PCDHGA7: variants seen among roughly 807,000 people sequenced by gnomAD.
The protein encoded by PCDHGA7 is protocadherin gamma-A7.
A neutral mutation model predicts 58.3 loss-of-function variants in PCDHGA7; 44 were observed. The observed-to-expected ratio is 0.75, with a 90% confidence interval of 0.59 to 0.97. PCDHGA7 has a LOEUF of 0.97. Ranked by LOEUF, PCDHGA7 falls within the 50% of genes least tolerant of loss-of-function variation. The probability of loss-of-function intolerance (pLI) is 0.00; values close to 1 mark genes in which losing one functional copy is unlikely to be tolerated. For synonymous variants in PCDHGA7, 516 were observed against 504.2 expected, an observed-to-expected ratio of 1.02 and a Z score of -0.31; for missense variants, 1,266 against 1,188.7, an observed-to-expected ratio of 1.06 and a Z score of -0.96.
intron 1 of PCDHGA7, chr5:141,404,669 A>G: frequency 1.9e-6 from 3 of 1,614,100 alleles, no homozygotes; most frequent in Non-Finnish European, 2.5e-6. Context: ...TGATGGTTCT[A>G]CTGGTGTGGA....
intron 1 of PCDHGA7, chr5:141,392,926 A>G (rs1180746876): frequency 9.3e-6 from 15 of 1,613,946 alleles, no homozygotes; most frequent in Non-Finnish European, 1.3e-5. Context: ...GTGCCAGAAG[A>G]GACGGACAAA....
At position 141,431,435 on chromosome 5, in the gene PCDHGA7, G is replaced by A. The variant is rs376827063; in HGVS notation, c.2424+46112G>A. ...GGGCGACCCGGTGCGCACAGGCACC[G>A]CGCGCATCCGCGTGATGGTTCTGGA... On this transcript the variant is annotated intron_variant, in intron 1 of 3. Coordinates refer to ENST00000518325, the MANE Select transcript of PCDHGA7 (RefSeq NM_018920.4). The surrounding 1 kb of genome is among the most constrained non-coding windows in gnomAD (Gnocchi z 4.8). 2.5e-6 allele frequency: 4 copies of A among 1,613,550 alleles called. No homozygotes were observed. Among genetic ancestry groups the A allele is most frequent in the Non-Finnish European group, 3.4e-6 (4 of 1,180,034 alleles).
intron 1 of PCDHGA7, chr5:141,392,627 G>T: frequency 1.7e-6 from 1 of 584,572 alleles, no homozygotes; most frequent in Non-Finnish European, 2.9e-6. Flanking sequence ...AAAACACTCA[G>T]ATCTCACACC....
chr5:141,494,897 C>T (rs1194879883), intron 2 of PCDHGA7, 32 bp downstream of exon 2: 2 of 1,614,122 alleles, frequency 1.2e-6, no homozygotes, highest in South Asian at 2.2e-5. Flanking sequence ...CCACCCTCTT[C>T]TCTGCGGCAT....
In PCDHGA7 at chr5:141,432,654, T is replaced by C. The variant is rs2097525297; in HGVS notation, c.2424+47331T>C. ...GGCGAGGTGCGCACGGCGCGAGCCC[T>C]GCTGGACAGAGACGCGCTCAAGCAG... is the stretch of plus-strand genomic sequence containing the variant. On this transcript the variant is annotated intron_variant, in intron 1 of 3. Transcript: ENST00000518325. This position sits in a 1 kb window ranked among gnomAD's most constrained non-coding sequence, Gnocchi z 6.0. The C allele has an allele frequency of 1.2e-6, 2 of 1,613,816 alleles. No homozygotes were observed. Among genetic ancestry groups the C allele is most frequent in the African/African-American group, 1.3e-5 (1 of 75,034 alleles).
intron 2 of PCDHGA7, among the ~76,000 whole-genome samples, chr5:141,503,398 C>A (rs1374324008): frequency 6.6e-6 from 1 of 151,784 alleles, no homozygotes; most frequent in African/African-American, 2.4e-5. Flanking sequence ...AGTTCGAAAC[C>A]AACCTGGCCA....
In PCDHGA7 at chr5:141,409,398, A is replaced by G. The variant is rs186373896; in HGVS notation, c.2424+24075A>G. On this transcript the variant is annotated intron_variant, in intron 1 of 3. Transcript: ENST00000518325. Reference sequence around the variant, plus strand: ...CCATTCAAGATTTATTCTTCTTCCAATAACTACTACAAACTGGTGACAGAT... The same window carrying G: ...CCATTCAAGATTTATTCTTCTTCCAGTAACTACTACAAACTGGTGACAGAT... 9.6e-5 allele frequency: 155 copies of G among 1,614,050 alleles called. No individual in the cohort carries two copies. In the African/African-American group the frequency reaches 1.5e-3, roughly 16 times the overall value.
chr5:141,392,713 G>C, intron 1 of PCDHGA7: 1 of 1,363,444 alleles, frequency 7.3e-7, no homozygotes, highest in Non-Finnish European at 9.6e-7. Flanking sequence ...AGGCACTCCA[G>C]GTTTCCGGAG....
intron 1 of PCDHGA7, among the ~76,000 whole-genome samples, chr5:141,445,263 C>T (rs1170484721): frequency 1.3e-5 from 2 of 152,152 alleles, no homozygotes; most frequent in African/African-American, 2.4e-5. Context: ...GAATATAAGT[C>T]GAAACCACTC....
intron 1 of PCDHGA7, chr5:141,412,671 A>T (rs1335241581): frequency 6.6e-6 from 1 of 152,290 alleles, no homozygotes; most frequent in Non-Finnish European, 1.5e-5. Flanking sequence ...AATATGACCT[A>T]AAATAAGTAT....
intron 1 of PCDHGA7, among the ~76,000 whole-genome samples, chr5:141,449,003 T>A (rs2098622649): frequency 1.3e-5 from 2 of 152,280 alleles, no homozygotes; most frequent in African/African-American, 4.8e-5. Context: ...AAAGCTGTTT[T>A]TTTTAACAGT....
intron 1 of PCDHGA7, among the ~76,000 whole-genome samples, chr5:141,472,648 C>G (rs762736307): frequency 1.3e-5 from 2 of 151,864 alleles, no homozygotes; most frequent in African/African-American, 4.8e-5. Flanking sequence ...TGTGTTGAAT[C>G]AGTATATAAA....
At chr5:141,478,412 TC>T in intron 1 of PCDHGA7, 2 of 1,611,958 alleles carry the variant, frequency 1.2e-6, no homozygotes, top group Non-Finnish European at 1.7e-6. Flanking sequence ...CACCACGGAC[TC>T]CCGCCGCAGC....
At position 141,383,412 on chromosome 5, in the gene PCDHGA7, G is replaced by C. The variant is rs1417112594; in HGVS notation, c.513G>C (p.Gln171His). 1.9e-6 allele frequency: 3 copies of C among 1,613,874 alleles called. No homozygotes were observed. The highest frequency in any genetic ancestry group is 2.2e-5 in the East Asian group (1 of 44,896). ...GCACGAACTCCCTCCAGAGTTACCA[G>C]CTCAGCCCCAATCGCCACTTCTCCC... Reference protein sequence around the residue: ...DVGTNSLQSYQLSPNRHFSLA... With the variant: ...DVGTNSLQSYHLSPNRHFSLA... The change falls in exon 1 of 4, where the codon CAG becomes CAC. Residue 171 changes from glutamine to histidine, a missense_variant. Physicochemically the swap from Gln to His is conservative, Grantham distance 24 (BLOSUM62 0). Transcript: ENST00000518325.
At chr5:141,461,892 C>T (rs976827774) in intron 1 of PCDHGA7, among the ~76,000 whole-genome samples, 2 of 152,030 alleles carry the variant, frequency 1.3e-5, no homozygotes, top group Non-Finnish European at 2.9e-5. Context: ...GGCACGATCT[C>T]GGCTCACTGC....
intron 1 of PCDHGA7, chr5:141,433,359 CT>C: frequency 8.7e-6 from 2 of 228,708 alleles, no homozygotes; most frequent in Non-Finnish European, 1.6e-5. Context: ...TACTGTCTGC[CT>C]ATCTATCTAT....
intron 1 of PCDHGA7, chr5:141,405,052 C>G (rs182635391): frequency 4.3e-6 from 7 of 1,613,836 alleles, no homozygotes; most frequent in Non-Finnish European, 5.9e-6. Context: ...TGGCAGTCGT[C>G]TCCTGTGTCT....
chr5:141,419,420 G>C (rs774685112), intron 1 of PCDHGA7: 10 of 1,613,372 alleles, frequency 6.2e-6, no homozygotes, highest in Non-Finnish European at 7.6e-6. Flanking sequence ...GCGCGCCTTC[G>C]ACCACGAGCA....
intron 1 of PCDHGA7, chr5:141,409,744 G>A (rs1255485257): frequency 6.2e-7 from 1 of 1,612,978 alleles, no homozygotes; most frequent in Non-Finnish European, 8.5e-7. Flanking sequence ...GCGGGGTGGT[G>A]TTCGCGCAGC....
Sources: allele counts gnomAD v4.1 joint callset (sites outside exome capture counted in the v4.1 genomes callset), GRCh38; gene constraint gnomAD v4.1.1; non-coding constraint Gnocchi (gnomAD v3.1); transcripts MANE v1.5; gene names NCBI Gene and HGNC (gene_info 2026-07-23, HGNC 2026-07-21).